AK9: variants seen among roughly 807,000 people sequenced by gnomAD.
The protein encoded by AK9 is adenylate kinase domain containing 1.
AK9 carries 191 observed loss-of-function variants against 239.6 expected under a neutral mutation model. The observed-to-expected ratio is 0.80, with a 90% CI of 0.71 to 0.90. The LOEUF (loss-of-function observed/expected upper bound fraction) is 0.90, where lower values mean the gene tolerates loss of function less well. Among genes scored for constraint, AK9 ranks in the 40% least tolerant of loss-of-function variants. The pLI is 0.00. For missense variants in AK9, 1,995 were observed against 2,214.7 expected, an observed-to-expected ratio of 0.90 and a Z score of 1.99; for synonymous variants, 689 against 721.0, an observed-to-expected ratio of 0.96 and a Z score of 0.71.
intron 8 of AK9, among the ~76,000 whole-genome samples, chr6:109,651,943 T>G (rs1438225453): frequency 1.3e-5 from 2 of 152,140 alleles, no homozygotes; most frequent in African/African-American, 2.4e-5. Context: ...GTCCAGGACC[T>G]GACGGATTCA....
At chr6:109,625,446 C>T (rs975948185) in intron 12 of AK9, among the ~76,000 whole-genome samples, 1 of 152,178 alleles carries the variant, frequency 6.6e-6, no homozygotes, top group Admixed American at 6.5e-5. Flanking sequence ...GTCTCCCACC[C>T]TCAGGCCATG....
At chr6:109,592,264 A>T (rs1313525064) in intron 17 of AK9, among the ~76,000 whole-genome samples, 1 of 152,180 alleles carries the variant, frequency 6.6e-6, no homozygotes, top group Non-Finnish European at 1.5e-5. Flanking sequence ...CAATAATAAT[A>T]ATAAAAGCGA....
Position 109,614,191 on chromosome 6 carries a change from T to A in AK9, c.1601A>T (p.Asp534Val). ...GCAGTTCACTTTGTTACCATCTTTA[T>A]CAACTTTAGCAGCTTGATCATGGAG... is the stretch of plus-strand genomic sequence containing the variant. ...NVLHDQAAKVDKDDGKETGET... is the reference protein window; with the variant it reads ...NVLHDQAAKVVKDDGKETGET... The change falls in exon 15 of 41, where the codon GAT becomes GTT. Residue 534 changes from aspartate to valine, a missense_variant. Coordinates refer to ENST00000424296, the MANE Select transcript of AK9 (RefSeq NM_001145128.3). The A allele has an allele frequency of 6.4e-7, 1 of 1,551,046 alleles. No homozygotes were observed. The highest frequency in any genetic ancestry group is 2.4e-5 in the East Asian group (1 of 40,894).
chr6:109,534,149 G>A (rs968609384), intron 27 of AK9, among the ~76,000 whole-genome samples: 3 of 150,334 alleles, frequency 2.0e-5, no homozygotes, highest in Non-Finnish European at 3.0e-5. Context: ...GCCCACGTGT[G>A]ATGAGACTTT....
rs774066982 is a variant in AK9 at position 109,633,269 on chromosome 6, A to G, written c.988T>C (p.Trp330Arg). The G allele has an allele frequency of 6.2e-7, 1 of 1,609,782 alleles. No homozygotes were observed. The highest frequency in any genetic ancestry group is 2.2e-5 in the East Asian group (1 of 44,796). The change falls in exon 11 of 41, where the codon TGG (tryptophan) becomes CGG (arginine). Residue 330 changes from tryptophan to arginine, a missense_variant. By Grantham distance (101) the Trp-to-Arg change is moderately radical. Transcript: ENST00000424296. ...GTACGTCCCCATTTACTTCTTTGCC[A>G]TCTGTATCTTGGTGCAATAAGTTTA... ...SYKLIAPRYR[W>R]QRSKWGRTCP... is the part of the protein sequence containing the mutation.
chr6:109,577,033 T>C (rs902155204), intron 20 of AK9, among the ~76,000 whole-genome samples: 1 of 152,034 alleles, frequency 6.6e-6, no homozygotes, highest in Non-Finnish European at 1.5e-5. Flanking sequence ...GGTTTCACCG[T>C]GTTAGCCAGG....
intron 6 of AK9, among the ~76,000 whole-genome samples, chr6:109,662,179 G>A (rs1051371346): frequency 1.3e-5 from 2 of 152,194 alleles, no homozygotes; most frequent in Non-Finnish European, 2.9e-5. Context: ...ATGACAGGGA[G>A]CGGAGAGCAC....
chr6:109,562,458 C>A (rs1785902615), intron 24 of AK9, among the ~76,000 whole-genome samples: 1 of 152,200 alleles, frequency 6.6e-6, no homozygotes, highest in Non-Finnish European at 1.5e-5. Flanking sequence ...TTCGTCAGTT[C>A]TGAATCCATT....
intron 32 of AK9, 120 bp downstream of exon 32, chr6:109,514,104 C>A: frequency 1.1e-6 from 1 of 949,934 alleles, no homozygotes; most frequent in Non-Finnish European, 1.6e-6. Context: ...CTCAGCCACC[C>A]TACGATTAAA....
Position 109,624,783 on chromosome 6 carries a change from T to G in AK9, c.1255-5547A>C, listed in dbSNP as rs556649286. 2.6e-5 allele frequency among the ~76,000 whole-genome samples: 4 copies of G among 152,296 alleles called. No individual in the cohort carries two copies. In the East Asian group the frequency reaches 7.7e-4, roughly 29 times the overall value. On this transcript the variant is annotated intron_variant, in intron 12 of 40. Coordinates refer to ENST00000424296, the MANE Select transcript of AK9 (RefSeq NM_001145128.3). ...TGGGAAATTTTCTGCAGTTATCTCT[T>G]TGGTAATATTCTTTTCTCTGGTAGC... is the stretch of plus-strand genomic sequence containing the variant.
chr6:109,657,795 T>C (rs1799908689), intron 7 of AK9, among the ~76,000 whole-genome samples: 2 of 152,068 alleles, frequency 1.3e-5, no homozygotes, highest in African/African-American at 2.4e-5. Context: ...TGAGAACATG[T>C]GCCACACAAG....
chr6:109,661,320 G>A (rs963937767), intron 6 of AK9, among the ~76,000 whole-genome samples: 5 of 152,158 alleles, frequency 3.3e-5, no homozygotes, highest in African/African-American at 1.2e-4. Context: ...TGGCAGTCTT[G>A]TTTTGCCTGA....
chr6:109,576,420 C>CTTTTTTTTTTTTTTTTTTTTTTTTTTTT (rs3060763), intron 20 of AK9, among the ~76,000 whole-genome samples: 2 of 103,478 alleles, frequency 1.9e-5, no homozygotes, highest in Admixed American at 1.1e-4. Flanking sequence ...CATATATATA[C>CTTTTTTTTTTTTTTTTTTTTTTTTTTTT]TTTTTTTTTT....
chr6:109,535,377 T>C (rs569785363), intron 27 of AK9, among the ~76,000 whole-genome samples: 2 of 152,358 alleles, frequency 1.3e-5, no homozygotes, highest in East Asian at 3.9e-4. Context: ...CATTTTTTCA[T>C]GTGTTTTTTG....
At chr6:109,506,234 CAT>C in intron 35 of AK9, 91 bp downstream of exon 35, 1 of 1,156,754 alleles carries the variant, frequency 8.6e-7, no homozygotes, top group South Asian at 1.4e-5. Context: ...ACGCCTGACT[CAT>C]GTTCAAATGG....
At chr6:109,529,202 G>A in intron 28 of AK9, 129 bp from the exon 29 acceptor site, 1 of 1,038,348 alleles carries the variant, frequency 9.6e-7, no homozygotes, top group Admixed American at 2.7e-5. Flanking sequence ...TGCAGGAAAG[G>A]ATGTGATGGC....
chr6:109,497,354 A>ACC, intron 38 of AK9, 111 bp downstream of exon 38: 2 of 604,600 alleles, frequency 3.3e-6, no homozygotes, highest in Non-Finnish European at 2.9e-6. Flanking sequence ...ACACACACAC[A>ACC]CACACACACT....
chr6:109,666,347 T>C (rs1408625363), intron 5 of AK9, among the ~76,000 whole-genome samples: 1 of 152,136 alleles, frequency 6.6e-6, no homozygotes, highest in Non-Finnish European at 1.5e-5. Flanking sequence ...TGTCAACCTT[T>C]CCAATTCCAG....
rs376073970 is a variant in AK9 at position 109,566,843 on chromosome 6, G to A, written c.2345-1998C>T. ...CCTGAATGACTACTGGGTACATAACGAAATGAAGGCAGAAATAAAGATGTT... is the reference window on the plus strand; with the variant it reads ...CCTGAATGACTACTGGGTACATAACAAAATGAAGGCAGAAATAAAGATGTT... On this transcript the variant is annotated intron_variant, in intron 21 of 40. Coordinates refer to ENST00000424296, the MANE Select transcript of AK9 (RefSeq NM_001145128.3). 1.1e-4 allele frequency among the ~76,000 whole-genome samples: 17 copies of A among 152,190 alleles called. No homozygotes were observed. The South Asian group carries it at 2.3e-3, about 20-fold the overall frequency.
Sources: allele counts gnomAD v4.1 joint callset (sites outside exome capture counted in the v4.1 genomes callset), GRCh38; gene constraint gnomAD v4.1.1; transcripts MANE v1.5; gene names NCBI Gene and HGNC (gene_info 2026-07-23, HGNC 2026-07-21).